SMAD5: variants seen among roughly 807,000 people sequenced by gnomAD.
SMAD5 encodes MAD, mothers against decapentaplegic homolog 5.
In SMAD5, 9 loss-of-function variants were observed where a neutral mutation model predicts 43.1. The observed-to-expected ratio is 0.21, with a 90% CI of 0.13 to 0.36. SMAD5 has a LOEUF of 0.36. SMAD5 is among the 10% of genes least tolerant of loss of function. The pLI, the probability that SMAD5 is intolerant of heterozygous loss-of-function variation, is 1.00. For missense variants in SMAD5, 348 were observed against 574.0 expected (o/e 0.61, Z 4.02); for synonymous variants, 190 against 192.4 (o/e 0.99, Z 0.10).
intron 3 of SMAD5, among the ~76,000 whole-genome samples, chr5:136,160,524 TG>T (rs1465455538): frequency 6.6e-6 from 1 of 152,092 alleles, no homozygotes; most frequent in Non-Finnish European, 1.5e-5. Context: ...CTCTGCTAGC[TG>T]GGAGCGCTCA....
chr5:136,146,367 G>GA (rs1236124932), intron 1 of SMAD5, among the ~76,000 whole-genome samples: 2 of 151,722 alleles, frequency 1.3e-5, no homozygotes, highest in Non-Finnish European at 3.0e-5. Flanking sequence ...AGGTGATGTA[G>GA]AAGAGTATTA....
chr5:136,157,505 A>G lies in SMAD5; in HGVS notation c.403+3342A>G, dbSNP rs554721033. Reference sequence around the variant, plus strand: ...TGAAATAATTATACATTTCACCATAATGTCAAATTAGTGGGAGCCCTGAGC... The same window carrying G: ...TGAAATAATTATACATTTCACCATAGTGTCAAATTAGTGGGAGCCCTGAGC... On this transcript the variant is annotated intron_variant, in intron 3 of 7. Transcript: ENST00000545279. 2.6e-5 allele frequency among the ~76,000 whole-genome samples: 4 copies of G among 152,326 alleles called. No individual in the cohort carries two copies. In the East Asian group the frequency reaches 7.7e-4, roughly 29 times the overall value.
chr5:136,145,650 A>G (rs967090161), intron 1 of SMAD5, among the ~76,000 whole-genome samples: 9 of 152,122 alleles, frequency 5.9e-5, no homozygotes, highest in Admixed American at 1.3e-4. Flanking sequence ...GATAGCAACA[A>G]TGTTCATGAT....
rs548112119 is a variant in SMAD5, at chr5:136,178,250, G to T, written c.*770G>T. The T allele has an allele frequency of 3.3e-5, 5 of 152,604 alleles. No individual in the cohort carries two copies. Among genetic ancestry groups the T allele is most frequent in the Non-Finnish European group, 7.4e-5 (5 of 68,014 alleles). The allele number at this position is 152,604 out of a possible 1,614,324, so 9.5% of individuals were successfully genotyped here. A position where few individuals can be genotyped will look rare whatever the true frequency, so the allele number is the denominator to read the frequency against. The stretch of plus-strand genomic sequence containing the variant: ...TATAGCTAGTGACAGTGCATGCACA[G>T]CCTTGTTCAACTATGTTTGCTGCTT... On this transcript the variant is annotated 3_prime_UTR_variant, in exon 8 of 8. Transcript: ENST00000545279.
At chr5:136,159,328 A>G (rs911514422) in intron 3 of SMAD5, among the ~76,000 whole-genome samples, 1 of 152,220 alleles carries the variant, frequency 6.6e-6, no homozygotes, top group East Asian at 1.9e-4. Flanking sequence ...AGTAAATGTT[A>G]TAAGAGATGG....
intron 3 of SMAD5, among the ~76,000 whole-genome samples, chr5:136,159,547 A>C (rs1454245946): frequency 6.7e-6 from 1 of 148,352 alleles, no homozygotes. Flanking sequence ...ACCTCTAAAG[A>C]AAAAAAAAAG....
intron 5 of SMAD5, among the ~76,000 whole-genome samples, chr5:136,163,919 G>A (rs1365712630): frequency 6.6e-6 from 1 of 152,132 alleles, no homozygotes; most frequent in African/African-American, 2.4e-5. Context: ...AGTGGCTCAC[G>A]CCTGTAATCG....
At chr5:136,152,566 C>T (rs1217352547) in intron 2 of SMAD5, 10 of 152,266 alleles carry the variant, frequency 6.6e-5, no homozygotes, top group African/African-American at 2.2e-4. Context: ...TTTTGTTACA[C>T]CATTTTTCCA....
chr5:136,163,157 TG>T (rs1554103393), intron 4 of SMAD5, 114 bp from the exon 5 acceptor site: 1 of 801,990 alleles, frequency 1.2e-6, no homozygotes, highest in Non-Finnish European at 1.9e-6. Context: ...TACATTTTTT[TG>T]TGTGTGATGT....
rs763325027 is a variant in SMAD5 at position 136,177,405 on chromosome 5, T to C, written c.1323T>C (p.His441=). The stretch of plus-strand genomic sequence containing the variant: ...CATGTTGGATTGAGATTCATCTTCA[T>C]GGGCCTCTTCAGTGGCTGGATAAAG... ...STPCWIEIHL[H]GPLQWLDKVL... Residue 441 remains histidine (H), a synonymous_variant, in exon 8 of 8, where the codon CAT becomes CAC. Transcript: ENST00000545279. 1 of 1,612,708 alleles carries C rather than the reference T, an allele frequency of 6.2e-7. No individual in the cohort carries two copies. The highest frequency in any genetic ancestry group is 8.5e-7 in the Non-Finnish European group (1 of 1,178,830).
chr5:136,136,111 A>G (rs1423087320), intron 1 of SMAD5, among the ~76,000 whole-genome samples: 1 of 152,206 alleles, frequency 6.6e-6, no homozygotes, highest in African/African-American at 2.4e-5. Context: ...AAAAGGCCCA[A>G]GGAAGCTGGG....
At position 136,169,425 on chromosome 5, in the gene SMAD5, C is replaced by T. The variant is rs534140209; in HGVS notation, c.776-3009C>T. Among the ~76,000 whole-genome samples, 4 of 152,330 alleles carry T rather than the reference C, an allele frequency of 2.6e-5. No individual in the cohort carries two copies. The South Asian group carries it at 8.3e-4, about 32-fold the overall frequency. On this transcript the variant is annotated intron_variant, in intron 5 of 7. Coordinates refer to ENST00000545279, the MANE Select transcript of SMAD5 (RefSeq NM_005903.7). ...GACACACCCAAGAAACAATACTTTG[C>T]ATCCTTCAATCCAATTAGTTTGACA... is the stretch of plus-strand genomic sequence containing the variant.
chr5:136,149,342 A>G (rs1195995148), intron 2 of SMAD5, among the ~76,000 whole-genome samples: 1 of 151,802 alleles, frequency 6.6e-6, no homozygotes, highest in Admixed American at 6.6e-5. Context: ...TATACCTAGG[A>G]ATGGAATTTC....
intron 4 of SMAD5, among the ~76,000 whole-genome samples, chr5:136,161,895 T>A (rs543974270): frequency 6.6e-6 from 1 of 152,314 alleles, no homozygotes; most frequent in South Asian, 2.1e-4. Context: ...CTAGTTGATA[T>A]AAACAAGAGT....
At chr5:136,160,172 A>G (rs2149772604) in intron 3 of SMAD5, among the ~76,000 whole-genome samples, 1 of 152,340 alleles carries the variant, frequency 6.6e-6, no homozygotes, top group East Asian at 1.9e-4. Flanking sequence ...GGTCATATTT[A>G]GAAGACTGAT....
intron 7 of SMAD5, among the ~76,000 whole-genome samples, chr5:136,176,616 C>T (rs1189970064): frequency 1.3e-5 from 2 of 151,396 alleles, no homozygotes; most frequent in South Asian, 2.1e-4. Flanking sequence ...CAGGAATTAC[C>T]ACGTTATCTT....
chr5:136,158,848 G>A (rs1471738391), intron 3 of SMAD5, among the ~76,000 whole-genome samples: 2 of 151,728 alleles, frequency 1.3e-5, no homozygotes, highest in African/African-American at 4.9e-5. Flanking sequence ...GCAGTGAGCC[G>A]AGATGGCGCC....
chr5:136,169,436 C>G (rs956261159), intron 5 of SMAD5, among the ~76,000 whole-genome samples: 2 of 152,184 alleles, frequency 1.3e-5, no homozygotes, highest in African/African-American at 4.8e-5. Flanking sequence ...ATCCTTCAAT[C>G]CAATTAGTTT....
At position 136,177,382 on chromosome 5, in the gene SMAD5, T is replaced by A. The variant is rs375571045; in HGVS notation, c.1300T>A (p.Cys434Ser). The A allele has an allele frequency of 1.8e-5, 29 of 1,613,128 alleles. No homozygotes were observed. The highest frequency in any genetic ancestry group is 2.4e-5 in the Non-Finnish European group (28 of 1,179,342). ...CCGGCAGGATGTAACCAGCACCCCA[T>A]GTTGGATTGAGATTCATCTTCATGG... ...YHRQDVTSTPCWIEIHLHGPL... is the reference protein window; with the variant it reads ...YHRQDVTSTPSWIEIHLHGPL... The change falls in exon 8 of 8, where the codon TGT (cysteine) becomes AGT (serine). Residue 434 changes from cysteine (C) to serine (S), a missense_variant. This residue lies in a region of SMAD5 where 97 missense variants were observed against 211.8 expected (regional missense o/e 0.46). Transcript: ENST00000545279.
Sources: allele counts gnomAD v4.1 joint callset (sites outside exome capture counted in the v4.1 genomes callset), GRCh38; gene constraint gnomAD v4.1.1; regional missense constraint gnomAD v4.1.1; transcripts MANE v1.5; gene names NCBI Gene and HGNC (gene_info 2026-07-23, HGNC 2026-07-21).